VSTM2A: variants seen among roughly 807,000 people sequenced by gnomAD.
VSTM2A encodes V-set and transmembrane domain containing 2A, also known as V-set and transmembrane domain-containing protein 2A.
VSTM2A carries 13 observed loss-of-function variants against 27.3 expected under a neutral mutation model. The ratio of observed to expected loss-of-function variants is 0.48; its 90% CI spans 0.31 to 0.76. VSTM2A has a LOEUF of 0.76. Ranked by LOEUF, VSTM2A falls within the 30% of genes least tolerant of loss-of-function variation. The pLI, the probability that VSTM2A is intolerant of heterozygous loss-of-function variation, is 0.05. For missense variants in VSTM2A, 280 were observed against 310.0 expected (o/e 0.90, Z 0.73); for synonymous variants, 142 against 125.7 (o/e 1.13, Z -0.87).
At chr7:54,547,882 C>G (rs1218281869) in intron 3 of VSTM2A, among the ~76,000 whole-genome samples, 1 of 151,940 alleles carries the variant, frequency 6.6e-6, no homozygotes, top group Non-Finnish European at 1.5e-5. Context: ...TAAAAATGTA[C>G]AAATATATTG....
At position 54,542,665 on chromosome 7, in the gene VSTM2A, G is replaced by T. The variant is rs914798983; in HGVS notation, c.-66G>T. ...CTGAGACTGAGCCTGCCATCCACTC[G>T]CACGCCTTTCTTTCAGGGCTTTTCG... On this transcript the variant is annotated 5_prime_UTR_variant, in exon 1 of 5. Coordinates refer to ENST00000402613, the MANE Select transcript of VSTM2A (RefSeq NM_001301009.2). The T allele has an allele frequency of 1.4e-6, 2 of 1,457,486 alleles. No homozygotes were observed. Among genetic ancestry groups the T allele is most frequent in the Non-Finnish European group, 1.9e-6 (2 of 1,047,554 alleles). 90.3% of individuals were successfully genotyped at this position (1,457,486 alleles called of 1,614,324 possible). A position where few individuals can be genotyped will look rare whatever the true frequency, so the allele number is the denominator to read the frequency against.
chr7:54,554,941 T>C (rs575498293), intron 4 of VSTM2A, among the ~76,000 whole-genome samples: 24 of 152,358 alleles, frequency 1.6e-4, no homozygotes, highest in Admixed American at 9.8e-4. Flanking sequence ...TCATGATAGA[T>C]ACCCAGATCA....
chr7:54,564,579 C>T (rs1013776479), intron 4 of VSTM2A, among the ~76,000 whole-genome samples: 3 of 152,190 alleles, frequency 2.0e-5, no homozygotes, highest in Non-Finnish European at 2.9e-5. Context: ...CTCCACTCAG[C>T]GCCTTGAATT....
At chr7:54,555,289 A>G (rs2870646) in intron 4 of VSTM2A, among the ~76,000 whole-genome samples, 22,193 of 152,240 alleles carry the variant, frequency 0.15, 1,684 homozygotes, top group Non-Finnish European at 0.15. Context: ...ACGTATCACA[A>G]CAGAGCATGT....
chr7:54,565,268 T>C (rs1584068367), intron 4 of VSTM2A, among the ~76,000 whole-genome samples: 1 of 152,358 alleles, frequency 6.6e-6, no homozygotes, highest in South Asian at 2.1e-4. Flanking sequence ...TACATATTCC[T>C]GATCTGCATA....
At chr7:54,547,214 G>C (rs1330947130) in intron 3 of VSTM2A, 5 of 495,200 alleles carry the variant, frequency 1.0e-5, no homozygotes, top group Non-Finnish European at 1.7e-5. Context: ...CTAGAGAATC[G>C]TTTGCTATCC....
At chr7:54,567,045 T>C (rs1305785934) in intron 4 of VSTM2A, among the ~76,000 whole-genome samples, 1 of 152,210 alleles carries the variant, frequency 6.6e-6, no homozygotes, top group Non-Finnish European at 1.5e-5. Flanking sequence ...AGATTTCATT[T>C]CTAAAAGTCT....
intron 4 of VSTM2A, chr7:54,558,915 T>G (rs1788461186): frequency 6.6e-6 from 1 of 152,072 alleles, no homozygotes; most frequent in African/African-American, 2.4e-5. Context: ...GTGAAAATAT[T>G]TTGCTATAAC....
chr7:54,559,429 A>T (rs1056984621), intron 4 of VSTM2A: 1 of 152,022 alleles, frequency 6.6e-6, no homozygotes, highest in African/African-American at 2.4e-5. Context: ...CCCAGTCAAA[A>T]CACCTTCTCA....
chr7:54,562,786 A>G, intron 4 of VSTM2A, among the ~76,000 whole-genome samples: 1 of 152,212 alleles, frequency 6.6e-6, no homozygotes. Context: ...AGCACCATTC[A>G]TGATCAGGGC....
Position 54,550,134 on chromosome 7 carries a change from G to A in VSTM2A, c.598G>A (p.Val200Met). 2 of 1,605,020 alleles carry A rather than the reference G, an allele frequency of 1.2e-6. No homozygotes were observed. The highest frequency in any genetic ancestry group is 2.3e-5 in the East Asian group (1 of 44,402). ...AACGCACTCCACCTCCAGCCCTCAA[G>A]TGGTAGCCAAAATCCCCAAACAAAG... ...QRTHSTSSPQ[V>M]VAKIPKQSPQ... The change falls in exon 4 of 5, where the codon GTG (valine) becomes ATG (methionine). Residue 200 changes from valine (V) to methionine (M), a missense_variant. Coordinates refer to ENST00000402613, the MANE Select transcript of VSTM2A (RefSeq NM_001301009.2).
At chr7:54,562,559 G>A (rs548365322) in intron 4 of VSTM2A, among the ~76,000 whole-genome samples, 3 of 152,276 alleles carry the variant, frequency 2.0e-5, no homozygotes, top group South Asian at 2.1e-4. Context: ...CTCAACTCAC[G>A]AGTTATTCTT....
Position 54,550,136 on chromosome 7 carries a change from G to A in VSTM2A, c.600G>A (p.Val200=). 1 of 1,604,226 alleles carries A rather than the reference G, an allele frequency of 6.2e-7. No individual in the cohort carries two copies. Among genetic ancestry groups the A allele is most frequent in the Non-Finnish European group, 8.5e-7 (1 of 1,175,516 alleles). ...QRTHSTSSPQ[V]VAKIPKQSPQ... is the part of the protein sequence containing the mutation. Reference sequence around the variant, plus strand: ...CGCACTCCACCTCCAGCCCTCAAGTGGTAGCCAAAATCCCCAAACAAAGTC... The same window carrying A: ...CGCACTCCACCTCCAGCCCTCAAGTAGTAGCCAAAATCCCCAAACAAAGTC... The change falls in exon 4 of 5, where the codon GTG becomes GTA. Residue 200 remains valine (V), a synonymous_variant. Transcript: ENST00000402613.
At chr7:54,554,026 G>T (rs1210156142) in intron 4 of VSTM2A, 3 of 1,552,860 alleles carry the variant, frequency 1.9e-6, no homozygotes, top group Non-Finnish European at 1.7e-6. Context: ...CCCCAACCTG[G>T]CCATGGATCA....
intron 4 of VSTM2A, among the ~76,000 whole-genome samples, chr7:54,562,159 T>G (rs1219028912): frequency 6.6e-6 from 1 of 152,200 alleles, no homozygotes; most frequent in African/African-American, 2.4e-5. Flanking sequence ...CTCGACCTCG[T>G]GATCTGTCTG....
chr7:54,546,884 C>G, intron 2 of VSTM2A, 63 bp from the exon 3 acceptor site: 2 of 1,589,514 alleles, frequency 1.3e-6, no homozygotes, highest in Non-Finnish European at 1.7e-6. Context: ...AGGCTATGCT[C>G]GCGTGGGAGC....
At chr7:54,547,320 C>T (rs1562705921) in intron 3 of VSTM2A, among the ~76,000 whole-genome samples, 1 of 151,994 alleles carries the variant, frequency 6.6e-6, no homozygotes, top group Non-Finnish European at 1.5e-5. Flanking sequence ...ATTATGGAAA[C>T]AATTATATTT....
intron 4 of VSTM2A, chr7:54,558,090 T>C (rs1788429757): frequency 6.6e-6 from 1 of 152,204 alleles, no homozygotes; most frequent in South Asian, 2.1e-4. Flanking sequence ...TTCCAAAGGA[T>C]TTTTAAGAAT....
chr7:54,549,354 T>C (rs1159143059), intron 3 of VSTM2A, among the ~76,000 whole-genome samples: 1 of 152,230 alleles, frequency 6.6e-6, no homozygotes, highest in Non-Finnish European at 1.5e-5. Context: ...GTCATCCCAG[T>C]GTGGGGATAC....
Sources: allele counts gnomAD v4.1 joint callset (sites outside exome capture counted in the v4.1 genomes callset), GRCh38; gene constraint gnomAD v4.1.1; transcripts MANE v1.5; gene names NCBI Gene and HGNC (gene_info 2026-07-23, HGNC 2026-07-21).